RNF133: variants seen among roughly 807,000 people sequenced by gnomAD.
RNF133 encodes ring finger protein 133.
For synonymous variants in RNF133, 153 were observed against 152.1 expected, an observed-to-expected ratio of 1.01 and a Z score of -0.04; for missense variants, 469 against 450.5, an observed-to-expected ratio of 1.04 and a Z score of -0.37.
In RNF133 at chr7:122,698,286, A is replaced by G. The variant is rs746672818; in HGVS notation, c.633T>C (p.His211=). 3.4e-5 allele frequency: 55 copies of G among 1,613,942 alleles called. No individual in the cohort carries two copies. The highest frequency in any genetic ancestry group is 8.3e-5 in the Admixed American group (5 of 59,976). Residue 211 remains histidine (H), a synonymous_variant, in exon 1 of 1, where the codon CAT becomes CAC. Transcript: ENST00000340112. ...TCTGAATCCTTGCTAAACAAAGTCT[A>G]TGAATGTGATAAAAGATGAAATATG... ...TLAYFIFYHI[H]RLCLARIQNR...
rs748432559 is a variant in RNF133 at position 122,697,834 on chromosome 7, T to C, written c.1085A>G (p.Asp362Gly). The C allele has an allele frequency of 6.2e-7, 1 of 1,607,580 alleles. No individual in the cohort carries two copies. The highest frequency in any genetic ancestry group is 1.1e-5 in the South Asian group (1 of 89,706). Residue 362 changes from aspartate to glycine, a missense_variant, in exon 1 of 1, where the codon GAC (aspartate) becomes GGC (glycine). Physicochemically the swap from Asp to Gly is moderately conservative, Grantham distance 94 (BLOSUM62 -1). Coordinates refer to ENST00000340112, the MANE Select transcript of RNF133 (RefSeq NM_139175.2). ...TTCCACTACTGAATGAGGCTGGATG[T>C]CATTATTCTGAGAAGTAGGGTTCTC... ...VEENPTSQNN[D>G]IQPHSVVEDV... is the part of the protein sequence containing the mutation.
Position 122,698,928 on chromosome 7 carries a change from C to T in RNF133, c.-10G>A. 1 of 1,545,952 alleles carries T rather than the reference C, an allele frequency of 6.5e-7. No homozygotes were observed. Among genetic ancestry groups the T allele is most frequent in the Non-Finnish European group, 8.7e-7 (1 of 1,149,126 alleles). On this transcript the variant is annotated 5_prime_UTR_variant, in exon 1 of 1. Transcript: ENST00000340112. Reference sequence around the variant, plus strand: ...CCTTGAGTAGATGCATCTCTCTCTTCTCCGAGTGACTTAAGAACCAACCTA... The same window carrying T: ...CCTTGAGTAGATGCATCTCTCTCTTTTCCGAGTGACTTAAGAACCAACCTA...
rs537539023 is a variant in RNF133, at chr7:122,698,257, C to T, written c.662G>A (p.Arg221Gln). ...ATCTGTTGTTAATCGCTGCCATCTC[C>T]GGTTCTGAATCCTTGCTAAACAAAG... is the stretch of plus-strand genomic sequence containing the variant. ...HRLCLARIQNRRWQRLTTDLQ... is the reference protein window; with the variant it reads ...HRLCLARIQNQRWQRLTTDLQ... The change falls in exon 1 of 1, where the codon CGG becomes CAG. Residue 221 changes from arginine (R) to glutamine (Q), a missense_variant. Transcript: ENST00000340112. 20 of 1,613,896 alleles carry T rather than the reference C, an allele frequency of 1.2e-5. No homozygotes were observed. The highest frequency in any genetic ancestry group is 1.6e-4 in the Middle Eastern group (1 of 6,062).
At position 122,698,526 on chromosome 7, in the gene RNF133, G is replaced by A. The variant is rs749849230; in HGVS notation, c.393C>T (p.Asn131=). ...ACACCTGGTTGCCAGTACCTGGAAC[G>A]TTATAGATGATCACTCCACTGGCTC... The part of the protein sequence containing the change: ...EKGASGVIIY[N]VPGTGNQVFP... The change falls in exon 1 of 1, where the codon AAC becomes AAT. Residue 131 remains asparagine (N), a synonymous_variant. Transcript: ENST00000340112. The A allele has an allele frequency of 8.1e-6, 13 of 1,614,006 alleles. No individual in the cohort carries two copies. In the Admixed American group the frequency reaches 8.3e-5, roughly 10 times the overall value.
rs766674590 is a variant in RNF133, at chr7:122,698,345, C to A, written c.574G>T (p.Val192Phe). The A allele has an allele frequency of 1.2e-6, 2 of 1,613,654 alleles. No homozygotes were observed. Among genetic ancestry groups the A allele is most frequent in the Admixed American group, 3.3e-5 (2 of 59,980 alleles). Residue 192 changes from valine to phenylalanine, a missense_variant, in exon 1 of 1, where the codon GTC (valine) becomes TTC (phenylalanine). Physicochemically the swap from Val to Phe is conservative, Grantham distance 50. Transcript: ENST00000340112. Reference sequence around the variant, plus strand: ...GCAGTTGTGACAATCACAAAAGAGACCAAATAGTGATTCATCCAGATGATG... The same window carrying A: ...GCAGTTGTGACAATCACAAAAGAGAACAAATAGTGATTCATCCAGATGATG... ...KHIIWMNHYL[V>F]SFVIVTTATL...
chr7:122,697,965 T>G lies in RNF133; in HGVS notation c.954A>C (p.Gln318His). The change falls in exon 1 of 1, where the codon CAA becomes CAC. Residue 318 changes from glutamine (Q) to histidine (H), a missense_variant. Coordinates refer to ENST00000340112, the MANE Select transcript of RNF133 (RefSeq NM_139175.2). ...CAGGCAGTTCATTTGACATTAGAAC[T>G]TGCAAAGGTTCTGTTCCATTTTCAA... is the stretch of plus-strand genomic sequence containing the variant. ...VVVENGTEPL[Q>H]VLMSNELPET... 6.2e-7 allele frequency: 1 copy of G among 1,613,472 alleles called. No individual in the cohort carries two copies. The highest frequency in any genetic ancestry group is 8.5e-7 in the Non-Finnish European group (1 of 1,179,702).
chr7:122,697,879 T>C lies in RNF133; in HGVS notation c.1040A>G (p.Asp347Gly), dbSNP rs1232115534. 2.5e-6 allele frequency: 4 copies of C among 1,613,398 alleles called. No individual in the cohort carries two copies. The highest frequency in any genetic ancestry group is 2.5e-6 in the Non-Finnish European group (3 of 1,179,488). ...NNEVSPAGTS[D>G]KVIHVEENPT... ...GTTCTCCTCCACATGGATTACTTTA[T>C]CTGAGGTTCCTGCAGGAGAAACTTC... Residue 347 changes from aspartate to glycine, a missense_variant, in exon 1 of 1, where the codon GAT becomes GGT. Transcript: ENST00000340112.
rs2085602059 is a variant in RNF133, at chr7:122,698,965, T to A, written c.-47A>T. 4.7e-6 allele frequency: 6 copies of A among 1,283,954 alleles called. No homozygotes were observed. The highest frequency in any genetic ancestry group is 1.9e-4 in the Middle Eastern group (1 of 5,198). The allele number at this position is 1,283,954 out of a possible 1,614,324, so 79.5% of individuals were successfully genotyped here. On this transcript the variant is annotated 5_prime_UTR_variant, in exon 1 of 1. The change abolishes an upstream ATG in the 5' untranslated region. Coordinates refer to ENST00000340112, the MANE Select transcript of RNF133 (RefSeq NM_139175.2). ...TAAGAACCAACCTAACAGTTGCACA[T>A]CTGTTGACAATTAATTTAAAATAAC...
rs191456637 is a variant in RNF133, at chr7:122,698,605, A to G, written c.314T>C (p.Ile105Thr). 4.2e-4 allele frequency: 672 copies of G among 1,614,058 alleles called. No individual in the cohort carries two copies. The highest frequency in any genetic ancestry group is 4.5e-5 in the East Asian group (2 of 44,876). ...TGTGAAGGTACAACCTCCCCGTTCA[A>G]TAAGTGCAAGCCAGGTCTCTGAGTA... ...SKYSETWLAL[I>T]ERGGCTFTQK... The change falls in exon 1 of 1, where the codon ATT (isoleucine) becomes ACT (threonine). Residue 105 changes from isoleucine (I) to threonine (T), a missense_variant. Ile to Thr is a moderately conservative substitution (Grantham distance 89, BLOSUM62 -1). Coordinates refer to ENST00000340112, the MANE Select transcript of RNF133 (RefSeq NM_139175.2).
rs372734431 is a variant in RNF133 at position 122,698,468 on chromosome 7, C to T, written c.451G>A (p.Val151Ile). Residue 151 changes from valine (V) to isoleucine (I), a missense_variant, in exon 1 of 1, where the codon GTT becomes ATT. Val to Ile is a conservative substitution (Grantham distance 29). Coordinates refer to ENST00000340112, the MANE Select transcript of RNF133 (RefSeq NM_139175.2). ...TTTAAGTTACCAATCATAACCACAA[C>T]GACATCTTCAAATGCCTGATGAAAC... ...PMFHQAFEDV[V>I]VVMIGNLKGT... 88 of 1,613,688 alleles carry T rather than the reference C, an allele frequency of 5.5e-5. No homozygotes were observed. The highest frequency in any genetic ancestry group is 1.7e-4 in the Admixed American group (10 of 59,988).
rs889862312 is a variant in RNF133 at position 122,699,098 on chromosome 7, G to T, written c.-180C>A. 1 of 558,878 alleles carries T rather than the reference G, an allele frequency of 1.8e-6. No individual in the cohort carries two copies. Among genetic ancestry groups the T allele is most frequent in the Non-Finnish European group, 3.2e-6 (1 of 312,468 alleles). The allele number at this position is 558,878 out of a possible 1,614,324, so 34.6% of individuals were successfully genotyped here. A position where few individuals can be genotyped will look rare whatever the true frequency, so the allele number is the denominator to read the frequency against. ...TGAGTTTCAGATGTCTTACTAGAGA[G>T]AGGTGAAAAACTTTAGATTGAAAAA... On this transcript the variant is annotated 5_prime_UTR_variant, in exon 1 of 1. Coordinates refer to ENST00000340112, the MANE Select transcript of RNF133 (RefSeq NM_139175.2).
chr7:122,698,866 A>C lies in RNF133; in HGVS notation c.53T>G (p.Leu18Arg), dbSNP rs754042065. 15 of 1,610,248 alleles carry C rather than the reference A, an allele frequency of 9.3e-6. No individual in the cohort carries two copies. The East Asian group carries it at 3.1e-4, about 33-fold the overall frequency. ...TWRNNTASSW[L>R]MKFSVLWLVS... ...AAGCCAAAGAACACTGAACTTCATA[A>C]GCCAGGAAGAGGCAGTGTTGTTTCT... is the stretch of plus-strand genomic sequence containing the variant. Residue 18 changes from leucine (L) to arginine (R), a missense_variant, in exon 1 of 1, where the codon CTT becomes CGT. Transcript: ENST00000340112.
In RNF133 at chr7:122,698,805, C is replaced by T; in HGVS notation, c.114G>A (p.Trp38Ter). The change falls in exon 1 of 1, where the codon TGG (tryptophan) becomes TGA (stop). Residue 38 changes from tryptophan to a stop codon, truncating the protein, a stop_gained. Coordinates refer to ENST00000340112, the MANE Select transcript of RNF133 (RefSeq NM_139175.2). LOFTEE classifies it low-confidence loss of function (END_TRUNC). Reference sequence around the variant, plus strand: ...GAAATGATATGTTCATATAAGCCATCCAAACAACACTTGCTCTGCAACAGT... The same window carrying T: ...GAAATGATATGTTCATATAAGCCATTCAAACAACACTTGCTCTGCAACAGT... ...SQNCCRASVV[W>*]MAYMNISFHV... is the part of the protein sequence containing the mutation. 1.2e-6 allele frequency: 2 copies of T among 1,613,922 alleles called. No homozygotes were observed. The highest frequency in any genetic ancestry group is 1.7e-6 in the Non-Finnish European group (2 of 1,179,824).
Position 122,697,925 on chromosome 7 carries a change from TAG to T in RNF133, c.992_993del (p.Pro331GlnfsTer2). 6.2e-7 allele frequency: 1 copy of T among 1,613,928 alleles called. No individual in the cohort carries two copies. The highest frequency in any genetic ancestry group is 1.3e-5 in the African/African-American group (1 of 75,040). On this transcript the variant is annotated frameshift_variant, in exon 1 of 1. Coordinates refer to ENST00000340112, the MANE Select transcript of RNF133 (RefSeq NM_139175.2). LOFTEE classifies it low-confidence loss of function (END_TRUNC). Reference protein sequence around the residue: ...MSNELPETLSPSEEETNNEVS... With the variant: ...MSNELPETLSXSEEETNNEVS... ...ACTTCATTATTTGTCTCCTCTTCACTAGGTGATAAGGTTTCAGGCAGTTCATT... is the reference window on the plus strand; with the variant it reads ...ACTTCATTATTTGTCTCCTCTTCACTGTGATAAGGTTTCAGGCAGTTCATT...
rs751500392 is a variant in RNF133 at position 122,698,734 on chromosome 7, A to G, written c.185T>C (p.Phe62Ser). 1 of 1,613,620 alleles carries G rather than the reference A, an allele frequency of 6.2e-7. No homozygotes were observed. Among genetic ancestry groups the G allele is most frequent in the South Asian group, 1.1e-5 (1 of 91,050 alleles). Residue 62 changes from phenylalanine to serine, a missense_variant, in exon 1 of 1, where the codon TTT becomes TCT. Physicochemically the swap from Phe to Ser is radical, Grantham distance 155. Coordinates refer to ENST00000340112, the MANE Select transcript of RNF133 (RefSeq NM_139175.2). Reference protein sequence around the residue: ...VLSELGETGVFGRSSTLKRVA... With the variant: ...VLSELGETGVSGRSSTLKRVA... ...TCTCTTCAAAGTGGAGCTTCTTCCA[A>G]AGACTCCAGTCTCTCCCAACTCTGA...
Position 122,697,762 on chromosome 7 carries a change from A to G in RNF133, c.*26T>C. The G allele has an allele frequency of 1.3e-6, 2 of 1,532,048 alleles. No homozygotes were observed. Among genetic ancestry groups the G allele is most frequent in the Non-Finnish European group, 1.8e-6 (2 of 1,139,666 alleles). 94.9% of individuals were successfully genotyped at this position (1,532,048 alleles called of 1,614,324 possible). ...AGGACCTGATTTCACATACAGGTTT[A>G]ATACACTTCCTCAAAAGTCATGCCA... On this transcript the variant is annotated 3_prime_UTR_variant, in exon 1 of 1. Transcript: ENST00000340112.
Position 122,697,768 on chromosome 7 carries a change from C to T in RNF133, c.*20G>A. The T allele has an allele frequency of 1.3e-6, 2 of 1,542,440 alleles. No individual in the cohort carries two copies. The highest frequency in any genetic ancestry group is 2.1e-5 in the Admixed American group (1 of 48,602). ...TGATTTCACATACAGGTTTAATACA[C>T]TTCCTCAAAAGTCATGCCATCAAGG... On this transcript the variant is annotated 3_prime_UTR_variant, in exon 1 of 1. Transcript: ENST00000340112.
In RNF133 at chr7:122,698,462, C is replaced by A. The variant is rs79046186; in HGVS notation, c.457G>T (p.Val153Phe). 785 of 1,613,894 alleles carry A rather than the reference C, an allele frequency of 4.9e-4. 3 individuals are homozygous for A. The African/African-American group carries it at 9.1e-3, about 19-fold the overall frequency. The change falls in exon 1 of 1, where the codon GTT becomes TTT. Residue 153 changes from valine (V) to phenylalanine (F), a missense_variant. By Grantham distance (50) the Val-to-Phe change is conservative. Transcript: ENST00000340112. ...FHQAFEDVVV[V>F]MIGNLKGTEI... ...GTGCCTTTTAAGTTACCAATCATAA[C>A]CACAACGACATCTTCAAATGCCTGA...
In RNF133 at chr7:122,698,789, T is replaced by C. The variant is rs769063800; in HGVS notation, c.130A>G (p.Ile44Val). 4.3e-6 allele frequency: 7 copies of C among 1,613,988 alleles called. No individual in the cohort carries two copies. The highest frequency in any genetic ancestry group is 4.2e-6 in the Non-Finnish European group (5 of 1,179,880). Residue 44 changes from isoleucine to valine, a missense_variant, in exon 1 of 1, where the codon ATA (isoleucine) becomes GTA (valine). Ile to Val is a conservative substitution (Grantham distance 29, BLOSUM62 3). Transcript: ENST00000340112. ...ASVVWMAYMN[I>V]SFHVGNHVLS... ...ACATGATTCCCAACATGAAATGATA[T>C]GTTCATATAAGCCATCCAAACAACA...
Sources: allele counts gnomAD v4.1 joint callset, GRCh38; gene constraint gnomAD v4.1.1; transcripts MANE v1.5; gene names NCBI Gene and HGNC (gene_info 2026-07-23, HGNC 2026-07-21).